Variants in SLAMF8 observed in about 807,000 individuals in gnomAD.
SLAMF8 encodes the protein SLAM family member 8.
Under a neutral mutation model 29.0 loss-of-function variants are expected in SLAMF8, and 23 were observed. The observed-to-expected ratio is 0.79, with a 90% confidence interval of 0.57 to 1.13. The LOEUF is 1.13. Ranked by LOEUF, SLAMF8 falls within the 50% of genes most tolerant of loss-of-function variation. SLAMF8 has a pLI of 0.00. For missense variants in SLAMF8, 381 were observed against 353.1 expected (o/e 1.08, Z -0.63); for synonymous variants, 139 against 145.6 (o/e 0.96, Z 0.32).
rs545115251 is a variant in SLAMF8, at chr1:159,834,238, A to T, written c.781+869A>T. Among the ~76,000 whole-genome samples the T allele has an allele frequency of 1.2e-3, 190 of 152,310 alleles. 1 individual carries two copies. The highest frequency in any genetic ancestry group is 2.0e-3 in the Non-Finnish European group (139 of 68,016). On this transcript the variant is annotated intron_variant, in intron 4 of 4. Transcript: ENST00000289707. ...AGCAAGGAGGAGTCACTGAGCCCTC[A>T]CTATGGTGGGTGTGTCCCAGAAGGC...
chr1:159,830,500 G>A (rs1647418344), intron 2 of SLAMF8, among the ~76,000 whole-genome samples: 1 of 152,154 alleles, frequency 6.6e-6, no homozygotes, highest in South Asian at 2.1e-4. Context: ...AATGGGCATT[G>A]TAATATTACC....
intron 1 of SLAMF8, 21 bp downstream of exon 1, chr1:159,826,959 G>C: frequency 6.2e-7 from 1 of 1,614,034 alleles, no homozygotes; most frequent in Non-Finnish European, 8.5e-7. Context: ...CAGGCAGATA[G>C]CCTGTCCTCG....
In SLAMF8 at chr1:159,835,748, ATC is replaced by A. The variant is rs1647881739; in HGVS notation, c.*490_*491del. On this transcript the variant is annotated 3_prime_UTR_variant, in exon 5 of 5. Coordinates refer to ENST00000289707, the MANE Select transcript of SLAMF8 (RefSeq NM_020125.3). ...TCAGCCCCAGACCCTGCAGTTTGAG[ATC>A]TGATGCTTCCTGAGGGCCAAGGCAT... The A allele has an allele frequency of 4.1e-6, 4 of 985,858 alleles. No homozygotes were observed. The highest frequency in any genetic ancestry group is 4.8e-6 in the Non-Finnish European group (4 of 830,262). The allele number at this position is 985,858 out of a possible 1,614,324, so 61.1% of individuals were successfully genotyped here.
At position 159,837,089 on chromosome 1, in the gene SLAMF8, C is replaced by T. The variant is rs1418715662; in HGVS notation, c.*1829C>T. ...CTTTCTTTCGTTCATCTCCAGGGCC[C>T]CACCTCAGATCAAAGCAGCTCTGGA... is the stretch of plus-strand genomic sequence containing the variant. On this transcript the variant is annotated 3_prime_UTR_variant, in exon 5 of 5. Transcript: ENST00000289707. 2 of 985,270 alleles carry T rather than the reference C, an allele frequency of 2.0e-6. No individual in the cohort carries two copies. Among genetic ancestry groups the T allele is most frequent in the African/African-American group, 3.5e-5 (2 of 57,208 alleles). The allele number at this position is 985,270 out of a possible 1,614,324, so 61.0% of individuals were successfully genotyped here. A position where few individuals can be genotyped will look rare whatever the true frequency, so the allele number is the denominator to read the frequency against.
rs372242041 is a variant in SLAMF8 at position 159,832,921 on chromosome 1, G to A, written c.413G>A (p.Arg138Lys). Residue 138 changes from arginine (R) to lysine (K), a missense_variant, in exon 3 of 5, where the codon AGG (arginine) becomes AAG (lysine). Arg to Lys is a conservative substitution (Grantham distance 26). Coordinates refer to ENST00000289707, the MANE Select transcript of SLAMF8 (RefSeq NM_020125.3). ...PVVQVFIAVE[R>K]DAQPSKTCQV... ...GTACAAGTGTTCATTGCTGTAGAAA[G>A]GGATGCTCAGCCCTCCAAGACCTGC... 9.9e-6 allele frequency: 16 copies of A among 1,614,102 alleles called. No individual in the cohort carries two copies. In the African/African-American group the frequency reaches 1.9e-4, roughly 19 times the overall value.
chr1:159,835,149 T>C, intron 4 of SLAMF8, 35 bp from the exon 5 acceptor site: 3 of 1,604,330 alleles, frequency 1.9e-6, no homozygotes, highest in Non-Finnish European at 2.6e-6. Context: ...CTCCAAACAC[T>C]GGAGGGGTAA....
intron 4 of SLAMF8, 74 bp downstream of exon 4, chr1:159,833,443 T>C (rs1647653114): frequency 7.5e-6 from 12 of 1,603,828 alleles, no homozygotes; most frequent in Non-Finnish European, 1.0e-5. Context: ...TTGGACCTCC[T>C]CCTATTTAGG....
chr1:159,834,931 C>G, intron 4 of SLAMF8: 1 of 421,106 alleles, frequency 2.4e-6, no homozygotes, highest in Non-Finnish European at 4.3e-6. Flanking sequence ...ACTGGGTCCA[C>G]CACAGTCCTA....
intron 2 of SLAMF8, among the ~76,000 whole-genome samples, chr1:159,831,886 C>T (rs957830619): frequency 1.3e-5 from 2 of 152,210 alleles, no homozygotes; most frequent in Admixed American, 6.5e-5. Flanking sequence ...AATATCCCCC[C>T]TGTAATCTTT....
At position 159,829,988 on chromosome 1, in the gene SLAMF8, C is replaced by G. The variant is rs769820043; in HGVS notation, c.163C>G (p.Pro55Ala). 1 of 1,614,250 alleles carries G rather than the reference C, an allele frequency of 6.2e-7. No homozygotes were observed. The highest frequency in any genetic ancestry group is 1.1e-5 in the South Asian group (1 of 91,086). Reference protein sequence around the residue: ...VREAIWRSLWPSEELLATFFR... With the variant: ...VREAIWRSLWASEELLATFFR... ...TGAGGCTATCTGGCGATCTCTCTGG[C>G]CTTCAGAAGAGCTCCTGGCCACGTT... Residue 55 changes from proline (P) to alanine (A), a missense_variant, in exon 2 of 5, where the codon CCT becomes GCT. By Grantham distance (27) the Pro-to-Ala change is conservative (BLOSUM62 -1). Coordinates refer to ENST00000289707, the MANE Select transcript of SLAMF8 (RefSeq NM_020125.3).
chr1:159,829,673 A>G (rs1267793488), intron 1 of SLAMF8, among the ~76,000 whole-genome samples, 193 bp from the exon 2 acceptor site: 1 of 152,162 alleles, frequency 6.6e-6, no homozygotes, highest in African/African-American at 2.4e-5. Flanking sequence ...TTCCTCTGTA[A>G]GTTCCATGAA....
In SLAMF8 at chr1:159,837,286, CA is replaced by C. The variant is rs956642756; in HGVS notation, c.*2033del. On this transcript the variant is annotated 3_prime_UTR_variant, in exon 5 of 5. Transcript: ENST00000289707. ...ACTAGTGGACTAATTAACCCTCCAC[CA>C]AAAAAACACAAAGTGCTTCTGTGAG... 5 of 985,168 alleles carry C rather than the reference CA, an allele frequency of 5.1e-6. No homozygotes were observed. The African/African-American group carries it at 5.2e-5, about 10-fold the overall frequency. The allele number at this position is 985,168 out of a possible 1,614,324, so 61.0% of individuals were successfully genotyped here. A position where few individuals can be genotyped will look rare whatever the true frequency, so the allele number is the denominator to read the frequency against.
Position 159,837,317 on chromosome 1 carries a change from A to G in SLAMF8, c.*2057A>G. 1 of 985,234 alleles carries G rather than the reference A, an allele frequency of 1.0e-6. No individual in the cohort carries two copies. Among genetic ancestry groups the G allele is most frequent in the South Asian group, 4.7e-5 (1 of 21,278 alleles). 61.0% of individuals were successfully genotyped at this position (985,234 alleles called of 1,614,324 possible). A position where few individuals can be genotyped will look rare whatever the true frequency, so the allele number is the denominator to read the frequency against. On this transcript the variant is annotated 3_prime_UTR_variant, in exon 5 of 5. Coordinates refer to ENST00000289707, the MANE Select transcript of SLAMF8 (RefSeq NM_020125.3). ...AACACAAAGTGCTTCTGTGAGACCA[A>G]TTTTGTGCTAATGAGCATTGAGACT...
In SLAMF8 at chr1:159,836,878, G is replaced by C; in HGVS notation, c.*1618G>C. 1.0e-6 allele frequency: 1 copy of C among 985,410 alleles called. No homozygotes were observed. The highest frequency in any genetic ancestry group is 1.2e-6 in the Non-Finnish European group (1 of 829,976). 61.0% of individuals were successfully genotyped at this position (985,410 alleles called of 1,614,324 possible). ...CTTCCCCCAAGATTACCTGAACAGG[G>C]TCCATGGCCACTCAACCTGTCAGCT... is the stretch of plus-strand genomic sequence containing the variant. On this transcript the variant is annotated 3_prime_UTR_variant, in exon 5 of 5. Transcript: ENST00000289707.
In SLAMF8 at chr1:159,837,316, A is replaced by G; in HGVS notation, c.*2056A>G. 4 of 985,244 alleles carry G rather than the reference A, an allele frequency of 4.1e-6. No individual in the cohort carries two copies. The highest frequency in any genetic ancestry group is 4.8e-6 in the Non-Finnish European group (4 of 829,738). 61.0% of individuals were successfully genotyped at this position (985,244 alleles called of 1,614,324 possible). Reference sequence around the variant, plus strand: ...AAACACAAAGTGCTTCTGTGAGACCAATTTTGTGCTAATGAGCATTGAGAC... The same window carrying G: ...AAACACAAAGTGCTTCTGTGAGACCGATTTTGTGCTAATGAGCATTGAGAC... On this transcript the variant is annotated 3_prime_UTR_variant, in exon 5 of 5. Coordinates refer to ENST00000289707, the MANE Select transcript of SLAMF8 (RefSeq NM_020125.3).
rs894258782 is a variant in SLAMF8 at position 159,836,020 on chromosome 1, G to A, written c.*760G>A. On this transcript the variant is annotated 3_prime_UTR_variant, in exon 5 of 5. Transcript: ENST00000289707. ...CACGCCTCCTGCAGGATCTGGGAGT[G>A]AGGGTGGAGAGTCTTTCCTCACGCT... 1 of 985,458 alleles carries A rather than the reference G, an allele frequency of 1.0e-6. No individual in the cohort carries two copies. Among genetic ancestry groups the A allele is most frequent in the Non-Finnish European group, 1.2e-6 (1 of 829,946 alleles). 61.0% of individuals were successfully genotyped at this position (985,458 alleles called of 1,614,324 possible).
At chr1:159,835,134 C>A in intron 4 of SLAMF8, 50 bp from the exon 5 acceptor site, 1 of 1,582,056 alleles carries the variant, frequency 6.3e-7, no homozygotes, top group Non-Finnish European at 8.6e-7. Context: ...CCAAGGATTC[C>A]AAGACTCCAA....
intron 1 of SLAMF8, among the ~76,000 whole-genome samples, chr1:159,827,705 C>G (rs1366581475): frequency 6.6e-6 from 1 of 152,162 alleles, no homozygotes; most frequent in Non-Finnish European, 1.5e-5. Flanking sequence ...GTTTCATCTC[C>G]TTGCCTGAGT....
In SLAMF8 at chr1:159,828,868, G is replaced by A. The variant is rs76892965; in HGVS notation, c.41-998G>A. Among the ~76,000 whole-genome samples the A allele has an allele frequency of 8.5e-3, 1,300 of 152,196 alleles. 11 individuals carry two copies. Among genetic ancestry groups the A allele is most frequent in the African/African-American group, 0.029 (1,217 of 41,502 alleles). ...TCAGGGGGGCACTTCAAGGAGAAGC[G>A]TCTCCCATACACGTCTGACTCAAAT... is the stretch of plus-strand genomic sequence containing the variant. On this transcript the variant is annotated intron_variant, in intron 1 of 4. Coordinates refer to ENST00000289707, the MANE Select transcript of SLAMF8 (RefSeq NM_020125.3).
Sources: gnomAD v4.1 joint callset for allele counts (sites outside exome capture counted in the v4.1 genomes callset) on GRCh38, gnomAD v4.1.1 for gene constraint, MANE v1.5 for transcripts, NCBI Gene and HGNC (gene_info 2026-07-23, HGNC 2026-07-21) for gene names.